The following SDK2 variants were observed in gnomAD, a reference collection of about 807,000 sequenced individuals.
SDK2 encodes the protein protein sidekick-2.
Under a neutral mutation model 253.9 loss-of-function variants are expected in SDK2, and 105 were observed. That is an observed-to-expected ratio of 0.41 (90% confidence interval 0.35 to 0.49). The LOEUF (loss-of-function observed/expected upper bound fraction) is 0.49, where lower values mean the gene tolerates loss of function less well. Ranked by LOEUF, SDK2 falls within the 20% of genes least tolerant of loss-of-function variation. SDK2 has a pLI of 0.06. For synonymous variants in SDK2, 1,249 were observed against 1,234.9 expected, an observed-to-expected ratio of 1.01 and a Z score of -0.24; for missense variants, 2,608 against 3,003.0, an observed-to-expected ratio of 0.87 and a Z score of 3.07.
rs890638540 is a variant in SDK2 at position 73,455,009 on chromosome 17, A to G, written c.479+897T>C. ...TGAGCCGCCGCGTCCGGCCTGTGAT[A>G]GTGATATTATTATTATTGTTATTGT... On this transcript the variant is annotated intron_variant, in intron 4 of 44. Transcript: ENST00000392650. This position sits in a 1 kb window ranked among gnomAD's most constrained non-coding sequence, Gnocchi z 5.0. Among the ~76,000 whole-genome samples, 3 of 152,076 alleles carry G rather than the reference A, an allele frequency of 2.0e-5. No individual in the cohort carries two copies. Among genetic ancestry groups the G allele is most frequent in the Admixed American group, 2.0e-4 (3 of 15,272 alleles).
Position 73,643,957 on chromosome 17 carries a change from T to TACCCCCCCCCCCCCCCCCCCC in SDK2, c.64+67_64+68insGGGGGGGGGGGGGGGGGGGGT. On this transcript the variant is annotated intron_variant, in intron 1 of 44. Transcript: ENST00000392650. This position sits in a 1 kb window ranked among gnomAD's most constrained non-coding sequence, Gnocchi z 6.9. Reference sequence around the variant, plus strand: ...GGAGGTCACCGTGAGGCCGGCCAGCTCCCGCCGCCCCTCCCCCGCCCACTC... The same window carrying TACCCCCCCCCCCCCCCCCCCC: ...GGAGGTCACCGTGAGGCCGGCCAGCTACCCCCCCCCCCCCCCCCCCCCCCGCCGCCCCTCCCCCGCCCACTC... 9.8e-7 allele frequency: 1 copy of TACCCCCCCCCCCCCCCCCCCC among 1,020,000 alleles called. No homozygotes were observed. 63.2% of individuals were successfully genotyped at this position (1,020,000 alleles called of 1,614,324 possible).
chr17:73,595,873 T>G (rs1463508931), intron 1 of SDK2, among the ~76,000 whole-genome samples: 5 of 152,168 alleles, frequency 3.3e-5, no homozygotes, highest in African/African-American at 1.2e-4. Flanking sequence ...GGCTCCATCC[T>G]GTGGGGCTCC....
In SDK2 at chr17:73,637,999, T is replaced by G. The variant is rs1317633545; in HGVS notation, c.64+6026A>C. On this transcript the variant is annotated intron_variant, in intron 1 of 44. Transcript: ENST00000392650. Reference sequence around the variant, plus strand: ...TCAATGGCAACACTACCCCATTCCATGGATGCATCTGCGGGAGCTGCTGGA... The same window carrying G: ...TCAATGGCAACACTACCCCATTCCAGGGATGCATCTGCGGGAGCTGCTGGA... Among the ~76,000 whole-genome samples, 3 of 152,204 alleles carry G rather than the reference T, an allele frequency of 2.0e-5. No homozygotes were observed. The East Asian group carries it at 5.8e-4, about 29-fold the overall frequency.
intron 2 of SDK2, among the ~76,000 whole-genome samples, chr17:73,503,591 GAAGA>G (rs2063907208): frequency 6.6e-6 from 1 of 152,206 alleles, no homozygotes; most frequent in Non-Finnish European, 1.5e-5. Context: ...TTAAAAGAGA[GAAGA>G]AAGAAGCACC....
Position 73,383,343 on chromosome 17 carries a change from C to T in SDK2, c.4705+533G>A, listed in dbSNP as rs2062847323. ...CCACCTGGGCTCCCCTCTTTCCTTC[C>T]TTTGCTCCAGGGGACAGGCAGGGCA... On this transcript the variant is annotated intron_variant, in intron 33 of 44. Transcript: ENST00000392650. The surrounding 1 kb of genome is among the most constrained non-coding windows in gnomAD (Gnocchi z 4.3). Among the ~76,000 whole-genome samples the T allele has an allele frequency of 6.6e-6, 1 of 152,206 alleles. No individual in the cohort carries two copies. The highest frequency in any genetic ancestry group is 6.5e-5 in the Admixed American group (1 of 15,284).
intron 1 of SDK2, among the ~76,000 whole-genome samples, chr17:73,536,657 A>G (rs1007903022): frequency 3.9e-5 from 6 of 152,170 alleles, no homozygotes; most frequent in African/African-American, 1.4e-4. Flanking sequence ...GGGGGTCGCA[A>G]AATCACTCGT....
At chr17:73,509,459 T>C (rs914925412) in intron 1 of SDK2, among the ~76,000 whole-genome samples, 6 of 151,546 alleles carry the variant, frequency 4.0e-5, no homozygotes, top group Admixed American at 1.3e-4. Flanking sequence ...GCCTGGAAGG[T>C]GGAAAACACC....
At chr17:73,637,442 G>T (rs1299874049) in intron 1 of SDK2, among the ~76,000 whole-genome samples, 1 of 152,208 alleles carries the variant, frequency 6.6e-6, no homozygotes, top group Non-Finnish European at 1.5e-5. Context: ...GCAGTAGCGT[G>T]TTCTCGGCTC....
At chr17:73,425,946 G>C (rs894666869) in intron 12 of SDK2, among the ~76,000 whole-genome samples, 6 of 152,176 alleles carry the variant, frequency 3.9e-5, no homozygotes, top group Admixed American at 1.3e-4. Flanking sequence ...ACCACGGCAA[G>C]CGGTCAGTAA....
chr17:73,531,352 C>T (rs948317811), intron 1 of SDK2, among the ~76,000 whole-genome samples: 1 of 152,184 alleles, frequency 6.6e-6, no homozygotes, highest in African/African-American at 2.4e-5. Context: ...GTCATCCAAT[C>T]CAGAAATAAC....
intron 17 of SDK2, 76 bp from the exon 18 acceptor site, chr17:73,414,835 G>A (rs1180049873): frequency 1.0e-5 from 9 of 891,286 alleles, no homozygotes; most frequent in South Asian, 6.9e-5. Context: ...TAGAGAAAAC[G>A]CAGGGGTGGG....
chr17:73,379,399 T>C lies in SDK2; in HGVS notation c.4864+49A>G. On this transcript the variant is annotated intron_variant, in intron 35 of 44. Transcript: ENST00000392650. The surrounding 1 kb of genome is among the most constrained non-coding windows in gnomAD (Gnocchi z 4.5). ...TCCCGTTTCTTCCAGCTGAACTGGG[T>C]GGGGCTGGGAAAGGCATGCTGGGGC... 1 of 1,537,762 alleles carries C rather than the reference T, an allele frequency of 6.5e-7. No homozygotes were observed. Among genetic ancestry groups the C allele is most frequent in the Non-Finnish European group, 8.9e-7 (1 of 1,122,786 alleles).
chr17:73,532,442 C>T (rs193221312), intron 1 of SDK2, among the ~76,000 whole-genome samples: 12 of 152,082 alleles, frequency 7.9e-5, no homozygotes, highest in Non-Finnish European at 1.2e-4. Context: ...GCCTGGGCTG[C>T]GAAGAAAAGG....
rs1162199389 is a variant in SDK2, at chr17:73,532,067, C to T, written c.65-24470G>A. Among the ~76,000 whole-genome samples, 4 of 152,316 alleles carry T rather than the reference C, an allele frequency of 2.6e-5. No homozygotes were observed. The East Asian group carries it at 5.8e-4, about 22-fold the overall frequency. ...CTCAAGGGGGGGTCATTCTGTACTC[C>T]TGCCCCCAGCTCCCGGGGGACCCCT... is the stretch of plus-strand genomic sequence containing the variant. On this transcript the variant is annotated intron_variant, in intron 1 of 44. Coordinates refer to ENST00000392650, the MANE Select transcript of SDK2 (RefSeq NM_001144952.2).
intron 1 of SDK2, among the ~76,000 whole-genome samples, chr17:73,545,387 G>A (rs1442894498): frequency 6.6e-6 from 1 of 152,098 alleles, no homozygotes; most frequent in Non-Finnish European, 1.5e-5. Context: ...CCACCTCAGT[G>A]AGACTTTCTT....
chr17:73,381,133 G>A (rs1320047354), intron 33 of SDK2, among the ~76,000 whole-genome samples, 183 bp from the exon 34 acceptor site: 1 of 152,216 alleles, frequency 6.6e-6, no homozygotes, highest in African/African-American at 2.4e-5. Flanking sequence ...AGGGTTGTGG[G>A]GGCAGGGGAA....
chr17:73,596,083 G>A (rs1463955784), intron 1 of SDK2, among the ~76,000 whole-genome samples: 1 of 152,170 alleles, frequency 6.6e-6, no homozygotes, highest in Non-Finnish European at 1.5e-5. Context: ...GCCCCAACAC[G>A]TTTGGGCTGT....
In SDK2 at chr17:73,455,879, C is replaced by T; in HGVS notation, c.479+27G>A. The T allele has an allele frequency of 2.0e-6, 3 of 1,522,418 alleles. No homozygotes were observed. The highest frequency in any genetic ancestry group is 1.8e-6 in the Non-Finnish European group (2 of 1,136,046). The allele number at this position is 1,522,418 out of a possible 1,614,324, so 94.3% of individuals were successfully genotyped here. On this transcript the variant is annotated intron_variant, in intron 4 of 44. Transcript: ENST00000392650. The surrounding 1 kb of genome is among the most constrained non-coding windows in gnomAD (Gnocchi z 5.0). ...TCCTCCCCCAGACACCCCTCCCCTC[C>T]CCGTCCCCTCAGAGCGATGCACTCA... is the stretch of plus-strand genomic sequence containing the variant.
chr17:73,382,840 AACAACAACAACAACAACG>A (rs1438512178), intron 33 of SDK2, among the ~76,000 whole-genome samples: 3 of 136,238 alleles, frequency 2.2e-5, no homozygotes, highest in African/African-American at 5.4e-5. Flanking sequence ...CGTCTCTACT[AACAACAACAACAACAACG>A]ACAACAACAA....
Sources: gnomAD v4.1 joint callset for allele counts (sites outside exome capture counted in the v4.1 genomes callset) on GRCh38, gnomAD v4.1.1 for gene constraint, Gnocchi (gnomAD v3.1) non-coding constraint, MANE v1.5 for transcripts, NCBI Gene and HGNC (gene_info 2026-07-23, HGNC 2026-07-21) for gene names.